The following ALG14 variants were observed in gnomAD, a reference collection of about 807,000 sequenced individuals.
ALG14 encodes the protein UDP-N-acetylglucosamine transferase subunit ALG14.
A neutral mutation model predicts 22.8 loss-of-function variants in ALG14; 17 were observed. That is an observed-to-expected ratio of 0.75 (90% CI 0.51 to 1.12). The LOEUF (loss-of-function observed/expected upper bound fraction) is 1.12, where lower values mean the gene tolerates loss of function less well. ALG14 is among the 50% of genes most tolerant of loss of function. The pLI is 0.00. For synonymous variants in ALG14, 89 were observed against 103.7 expected, an observed-to-expected ratio of 0.86 and a Z score of 0.86; for missense variants, 288 against 271.8, an observed-to-expected ratio of 1.06 and a Z score of -0.42.
chr1:95,066,761 C>T (rs1005228907), intron 1 of ALG14, among the ~76,000 whole-genome samples: 6 of 151,780 alleles, frequency 4.0e-5, no homozygotes, highest in Non-Finnish European at 5.9e-5. Context: ...AGGCCAGGTG[C>T]GGTGGCTCAT....
At chr1:95,044,261 T>C (rs1674474172) in intron 2 of ALG14, among the ~76,000 whole-genome samples, 1 of 152,148 alleles carries the variant, frequency 6.6e-6, no homozygotes, top group African/African-American at 2.4e-5. Flanking sequence ...TTTCCTTGGT[T>C]TTGCTTTTGG....
intron 2 of ALG14, among the ~76,000 whole-genome samples, chr1:95,039,340 A>G (rs1254368333): frequency 6.6e-6 from 1 of 152,164 alleles, no homozygotes; most frequent in Non-Finnish European, 1.5e-5. Flanking sequence ...AGAGGGCACG[A>G]CCAGAGAAGG....
chr1:94,994,495 C>A (rs1221524159), intron 3 of ALG14, among the ~76,000 whole-genome samples: 1 of 152,204 alleles, frequency 6.6e-6, no homozygotes, highest in African/African-American at 2.4e-5. Context: ...ATAGAGTCTA[C>A]ATGTGGCATT....
intron 3 of ALG14, among the ~76,000 whole-genome samples, chr1:94,990,244 G>T (rs576739026): frequency 6.6e-6 from 1 of 152,134 alleles, no homozygotes; most frequent in African/African-American, 2.4e-5. Context: ...TGAAGCCTGG[G>T]AAAGGCAGTT....
In ALG14 at chr1:95,001,296, C is replaced by A. The variant is rs989802439; in HGVS notation, c.421-17990G>T. Among the ~76,000 whole-genome samples, 12 of 152,154 alleles carry A rather than the reference C, an allele frequency of 7.9e-5. No homozygotes were observed. In the East Asian group the frequency reaches 2.1e-3, roughly 27 times the overall value. On this transcript the variant is annotated intron_variant, in intron 3 of 3. Coordinates refer to ENST00000370205, the MANE Select transcript of ALG14 (RefSeq NM_144988.4). ...CATGGGTTTTTTCACTTTTTAAATT[C>A]TTTTCAGCTTGTCGGTTGTCAACAT...
intron 2 of ALG14, among the ~76,000 whole-genome samples, chr1:95,036,622 T>C (rs1674203481): frequency 6.6e-6 from 1 of 152,026 alleles, no homozygotes; most frequent in African/African-American, 2.4e-5. Flanking sequence ...AGACGGGGTT[T>C]CACCATGTTG....
intron 3 of ALG14, among the ~76,000 whole-genome samples, chr1:95,021,708 C>T (rs960102618): frequency 3.9e-5 from 6 of 152,084 alleles, no homozygotes; most frequent in Admixed American, 6.5e-5. Flanking sequence ...TTCTCTTCAC[C>T]CCACCCTCTG....
At chr1:95,039,548 G>C (rs1284670672) in intron 2 of ALG14, among the ~76,000 whole-genome samples, 1 of 152,168 alleles carries the variant, frequency 6.6e-6, no homozygotes, top group Non-Finnish European at 1.5e-5. Flanking sequence ...CAAATAGCAA[G>C]AGCGGAAACA....
At chr1:95,034,338 G>A (rs1245356414) in intron 2 of ALG14, among the ~76,000 whole-genome samples, 2 of 152,120 alleles carry the variant, frequency 1.3e-5, no homozygotes, top group African/African-American at 2.4e-5. Context: ...CCTCTTCCAG[G>A]GATGCAAGCT....
chr1:95,053,213 C>A (rs759461804), intron 2 of ALG14, among the ~76,000 whole-genome samples: 2 of 152,010 alleles, frequency 1.3e-5, no homozygotes, highest in African/African-American at 2.4e-5. Context: ...AAAATACATA[C>A]CATGCAAACA....
chr1:94,987,559 G>A (rs1279466243), intron 3 of ALG14, among the ~76,000 whole-genome samples: 1 of 152,238 alleles, frequency 6.6e-6, no homozygotes, highest in African/African-American at 2.4e-5. Context: ...AGGATCAAGA[G>A]CAGTTTCAAC....
intron 3 of ALG14, among the ~76,000 whole-genome samples, chr1:94,996,468 C>A (rs566382812): frequency 6.6e-6 from 1 of 152,310 alleles, no homozygotes; most frequent in Admixed American, 6.5e-5. Flanking sequence ...TAGGGGCAAG[C>A]AGCCCTGCTG....
At chr1:95,017,731 C>T (rs1673543999) in intron 3 of ALG14, among the ~76,000 whole-genome samples, 1 of 152,190 alleles carries the variant, frequency 6.6e-6, no homozygotes, top group Non-Finnish European at 1.5e-5. Context: ...GACAGGTGCT[C>T]CCTAAGGAAA....
At chr1:94,985,583 CAGAA>C (rs1476708921) in intron 3 of ALG14, among the ~76,000 whole-genome samples, 1 of 152,172 alleles carries the variant, frequency 6.6e-6, no homozygotes, top group East Asian at 1.9e-4. Context: ...TTGAATGTCA[CAGAA>C]AGAATTTCAC....
intron 2 of ALG14, among the ~76,000 whole-genome samples, chr1:95,039,601 A>C (rs1348827540): frequency 2.5e-4 from 38 of 152,196 alleles, no homozygotes; most frequent in Non-Finnish European, 7.3e-5. Flanking sequence ...TGTTTGGAGC[A>C]TAATTTTGAG....
intron 2 of ALG14, among the ~76,000 whole-genome samples, chr1:95,060,253 C>A (rs1245036783): frequency 1.3e-5 from 2 of 151,956 alleles, no homozygotes; most frequent in Non-Finnish European, 2.9e-5. Flanking sequence ...CTCTGCAGAG[C>A]TCTTCCCAGC....
At chr1:95,027,930 T>C (rs764412667) in intron 2 of ALG14, among the ~76,000 whole-genome samples, 5 of 152,228 alleles carry the variant, frequency 3.3e-5, no homozygotes, top group Admixed American at 6.5e-5. Flanking sequence ...TTGTGGAAAC[T>C]GAAATTAGAC....
At chr1:95,064,285 C>T (rs1398233442) in intron 2 of ALG14, among the ~76,000 whole-genome samples, 1 of 152,150 alleles carries the variant, frequency 6.6e-6, no homozygotes, top group East Asian at 1.9e-4. Flanking sequence ...TTTCTCTTTC[C>T]TGATTGCCCT....
Position 95,012,892 on chromosome 1 carries a change from G to A in ALG14, c.420+14237C>T, listed in dbSNP as rs184158888. Among the ~76,000 whole-genome samples the A allele has an allele frequency of 1.8e-4, 28 of 152,238 alleles. No homozygotes were observed. In the East Asian group the frequency reaches 5.2e-3, roughly 28 times the overall value. The stretch of plus-strand genomic sequence containing the variant: ...TCGTGCCTGTAATCACAGCACTTTG[G>A]GAGGCCGATGAGGGCGAATCACCTG... On this transcript the variant is annotated intron_variant, in intron 3 of 3. Transcript: ENST00000370205.
Sources: gnomAD v4.1 joint callset for allele counts (sites outside exome capture counted in the v4.1 genomes callset) on GRCh38, gnomAD v4.1.1 for gene constraint, MANE v1.5 for transcripts, NCBI Gene and HGNC (gene_info 2026-07-23, HGNC 2026-07-21) for gene names.